The following RARB variants were observed in gnomAD, a reference collection of about 807,000 sequenced individuals.
The protein encoded by RARB is HBV-activated protein.
In RARB, 17 loss-of-function variants were observed where a neutral mutation model predicts 51.9. The observed-to-expected ratio is 0.33, with a 90% CI of 0.22 to 0.49. The LOEUF (loss-of-function observed/expected upper bound fraction) is 0.49. Ranked by LOEUF, RARB falls within the 20% of genes least tolerant of loss-of-function variation. RARB has a pLI of 0.99. For synonymous variants in RARB, 215 were observed against 195.4 expected, an observed-to-expected ratio of 1.10 and a Z score of -0.84; for missense variants, 369 against 550.8, an observed-to-expected ratio of 0.67 and a Z score of 3.30.
At chr3:25,417,940 G>A (rs1041861774) in intron 5 of RARB, among the ~76,000 whole-genome samples, 4 of 150,200 alleles carry the variant, frequency 2.7e-5, no homozygotes, top group Non-Finnish European at 5.9e-5. Context: ...AGGGAGCCAG[G>A]TTCTTTCCAT....
intron 5 of RARB, among the ~76,000 whole-genome samples, chr3:25,181,664 T>C (rs1471775639): frequency 6.6e-6 from 1 of 152,206 alleles, no homozygotes. Flanking sequence ...TAAATTATGA[T>C]GAACTGATCC....
At chr3:25,515,066 G>T (rs1387390170) in intron 3 of RARB, among the ~76,000 whole-genome samples, 1 of 152,162 alleles carries the variant, frequency 6.6e-6, no homozygotes, top group African/African-American at 2.4e-5. Context: ...CCTGTCTCTT[G>T]GGGCTGAGGA....
chr3:25,453,275 T>G (rs1435796832), intron 1 of RARB, among the ~76,000 whole-genome samples: 1 of 145,908 alleles, frequency 6.9e-6, no homozygotes, highest in Non-Finnish European at 1.5e-5. Context: ...TTGAGACAGT[T>G]TCGCTCTTGC....
At chr3:25,148,452 G>T (rs1050719801) in intron 4 of RARB, among the ~76,000 whole-genome samples, 7 of 152,196 alleles carry the variant, frequency 4.6e-5, no homozygotes, top group African/African-American at 1.4e-4. Flanking sequence ...ATGTATATCA[G>T]TAAGAAATAT....
chr3:25,415,142 G>A (rs551980324), intron 5 of RARB, among the ~76,000 whole-genome samples: 1 of 152,210 alleles, frequency 6.6e-6, no homozygotes, highest in South Asian at 2.1e-4. Flanking sequence ...TTATCCTACT[G>A]TATGATTTGT....
At chr3:25,005,896 A>G (rs1481320390) in intron 2 of RARB, among the ~76,000 whole-genome samples, 4 of 152,042 alleles carry the variant, frequency 2.6e-5, no homozygotes, top group African/African-American at 9.7e-5. Context: ...GAGATCCTAT[A>G]TTATGCAGCC....
intron 3 of RARB, among the ~76,000 whole-genome samples, chr3:25,534,514 C>T (rs1032505787): frequency 6.6e-6 from 1 of 152,172 alleles, no homozygotes; most frequent in African/African-American, 2.4e-5. Context: ...GCTTCTCCCG[C>T]TCTTCCTGCT....
At chr3:25,312,104 T>G (rs1049436160) in intron 5 of RARB, among the ~76,000 whole-genome samples, 8 of 152,180 alleles carry the variant, frequency 5.3e-5, no homozygotes, top group Admixed American at 5.2e-4. Flanking sequence ...ATGAACTTAT[T>G]GACTACAAGG....
chr3:24,865,579 G>A (rs73135504), intron 2 of RARB, among the ~76,000 whole-genome samples: 2,166 of 152,208 alleles, frequency 0.014, 28 homozygotes, highest in African/African-American at 0.048. Context: ...TGAGTCTCAC[G>A]TAGCCCTCTT....
intron 2 of RARB, among the ~76,000 whole-genome samples, chr3:24,957,078 G>T (rs1311416104): frequency 6.6e-6 from 1 of 152,182 alleles, no homozygotes; most frequent in East Asian, 1.9e-4. Flanking sequence ...ATTGAACAAG[G>T]TGATGTCTTC....
At chr3:24,995,735 TG>T (rs1232181133) in intron 2 of RARB, among the ~76,000 whole-genome samples, 2 of 152,164 alleles carry the variant, frequency 1.3e-5, no homozygotes, top group Non-Finnish European at 2.9e-5. Context: ...GTATGGTTTT[TG>T]TACTTTATTG....
intron 2 of RARB, among the ~76,000 whole-genome samples, chr3:24,976,432 T>C (rs1230508401): frequency 6.6e-6 from 1 of 152,186 alleles, no homozygotes; most frequent in Non-Finnish European, 1.5e-5. Flanking sequence ...CCAGCGTCTG[T>C]TGTTTCCTGA....
At chr3:25,562,724 G>T (rs1019895475) in intron 3 of RARB, among the ~76,000 whole-genome samples, 2 of 152,172 alleles carry the variant, frequency 1.3e-5, no homozygotes, top group African/African-American at 4.8e-5. Context: ...CTCTTGCCTT[G>T]CAAGGACGCG....
intron 5 of RARB, among the ~76,000 whole-genome samples, chr3:25,355,040 G>T (rs934706142): frequency 6.6e-6 from 1 of 151,960 alleles, no homozygotes; most frequent in Admixed American, 6.6e-5. Flanking sequence ...CACCTTGCTG[G>T]GTCTACAGTC....
At chr3:25,067,769 G>C (rs35943227) in intron 3 of RARB, among the ~76,000 whole-genome samples, 17 of 152,216 alleles carry the variant, frequency 1.1e-4, no homozygotes, top group African/African-American at 3.6e-4. Context: ...TAGGCTGTCA[G>C]GTTATATCTG....
chr3:25,249,623 G>A (rs1204415006), intron 5 of RARB, among the ~76,000 whole-genome samples: 1 of 148,536 alleles, frequency 6.7e-6, no homozygotes, highest in Non-Finnish European at 1.5e-5. Context: ...CCATGATGTT[G>A]GTTGGGTAGG....
intron 4 of RARB, among the ~76,000 whole-genome samples, chr3:25,574,406 C>G (rs576955132): frequency 6.6e-6 from 1 of 152,150 alleles, no homozygotes; most frequent in East Asian, 1.9e-4. Flanking sequence ...GGAGTCGTGC[C>G]GAATGTGCAG....
chr3:25,491,801 T>C (rs1286649), intron 2 of RARB, among the ~76,000 whole-genome samples: 151,533 of 152,178 alleles, frequency 1, 75,448 homozygotes, highest in East Asian at 1. Context: ...ATTAGCCAGG[T>C]GTGGTGGCAG....
chr3:24,900,519 A>G (rs1241542611), intron 2 of RARB, among the ~76,000 whole-genome samples: 1 of 152,232 alleles, frequency 6.6e-6, no homozygotes, highest in Non-Finnish European at 1.5e-5. Context: ...CAAGTAAGTA[A>G]GAACAAAGTG....
Sources: allele counts gnomAD v4.1 joint callset (sites outside exome capture counted in the v4.1 genomes callset), GRCh38; gene constraint gnomAD v4.1.1; transcripts MANE v1.5; gene names NCBI Gene and HGNC (gene_info 2026-07-23, HGNC 2026-07-21).